TBL1XR1: variants seen among roughly 807,000 people sequenced by gnomAD.
The protein encoded by TBL1XR1 is TBL1X/Y related 1.
Under a neutral mutation model 66.9 loss-of-function variants are expected in TBL1XR1, and 5 were observed. The observed-to-expected ratio is 0.07, with a 90% CI of 0.04 to 0.16. TBL1XR1 has a LOEUF of 0.16. Ranked by LOEUF, TBL1XR1 falls within the 10% of genes least tolerant of loss-of-function variation. The pLI is 1.00. For synonymous variants in TBL1XR1, 210 were observed against 206.0 expected (o/e 1.02, Z -0.17); for missense variants, 238 against 623.2 (o/e 0.38, Z 6.58).
intron 1 of TBL1XR1, among the ~76,000 whole-genome samples, chr3:177,170,925 G>C (rs747521144): frequency 2.6e-5 from 4 of 152,048 alleles, no homozygotes; most frequent in African/African-American, 7.2e-5. Flanking sequence ...CCTGTCCCTG[G>C]ATCCCCAGTT....
At chr3:177,102,191 T>C (rs193158403) in intron 1 of TBL1XR1, among the ~76,000 whole-genome samples, 5 of 152,022 alleles carry the variant, frequency 3.3e-5, no homozygotes, top group Admixed American at 2.6e-4. Flanking sequence ...TTTGTCTTCA[T>C]TCATTCATTT....
intron 1 of TBL1XR1, among the ~76,000 whole-genome samples, chr3:177,102,598 A>G (rs777382564): frequency 9.2e-5 from 14 of 152,244 alleles, no homozygotes; most frequent in Non-Finnish European, 1.5e-4. Context: ...TATTTGTATT[A>G]AAGGAATTCA....
At chr3:177,146,303 G>T (rs1376169610) in intron 1 of TBL1XR1, among the ~76,000 whole-genome samples, 1 of 151,836 alleles carries the variant, frequency 6.6e-6, no homozygotes, top group Non-Finnish European at 1.5e-5. Flanking sequence ...TGTTTGTTTT[G>T]AGATGGGAGT....
chr3:177,039,319 C>G (rs551618808), intron 10 of TBL1XR1, among the ~76,000 whole-genome samples: 2 of 152,290 alleles, frequency 1.3e-5, no homozygotes, highest in African/African-American at 4.8e-5. Flanking sequence ...CAGGTGAGAT[C>G]ATGTGTGTGG....
Position 177,051,868 on chromosome 3 carries a change from C to T in TBL1XR1, c.205-142G>A, listed in dbSNP as rs964231368. On this transcript the variant is annotated intron_variant, in intron 4 of 15. Transcript: ENST00000457928. ...AACTTTCTGAATTCATATAAGAAGT[C>T]CGGAGGGAATAAAGAAACTACAAGC... is the stretch of plus-strand genomic sequence containing the variant. The T allele has an allele frequency of 7.5e-6, 8 of 1,067,630 alleles. No individual in the cohort carries two copies. In the African/African-American group the frequency reaches 1.3e-4, roughly 17 times the overall value. 66.1% of individuals were successfully genotyped at this position (1,067,630 alleles called of 1,614,324 possible).
intron 2 of TBL1XR1, among the ~76,000 whole-genome samples, chr3:177,080,841 G>C (rs1721304821): frequency 6.6e-6 from 1 of 152,148 alleles, no homozygotes; most frequent in Admixed American, 6.5e-5. Context: ...CTAGCTTTAA[G>C]TTCAAAGATC....
intron 1 of TBL1XR1, among the ~76,000 whole-genome samples, chr3:177,114,713 C>T (rs949313332): frequency 2.4e-4 from 37 of 151,890 alleles, no homozygotes; most frequent in African/African-American, 8.7e-4. Context: ...CGGTAGCTCA[C>T]ACCTCTAATC....
At chr3:177,152,484 G>A (rs147131250) in intron 1 of TBL1XR1, among the ~76,000 whole-genome samples, 3,514 of 152,078 alleles carry the variant, frequency 0.023, 121 homozygotes, top group African/African-American at 0.08. Flanking sequence ...ATGGGGTTTC[G>A]CCATTTTGGC....
chr3:177,072,571 C>G (rs753838116), intron 2 of TBL1XR1, among the ~76,000 whole-genome samples: 2 of 151,980 alleles, frequency 1.3e-5, no homozygotes, highest in Non-Finnish European at 2.9e-5. Flanking sequence ...TTTTAATATG[C>G]TGTGTGTGTA....
intron 6 of TBL1XR1, 64 bp downstream of exon 6, chr3:177,050,414 T>A: frequency 1.3e-6 from 2 of 1,571,772 alleles, no homozygotes; most frequent in Non-Finnish European, 1.7e-6. Flanking sequence ...GAATAATGCA[T>A]ATGTTTATAA....
intron 1 of TBL1XR1, among the ~76,000 whole-genome samples, chr3:177,135,199 G>A (rs558017505): frequency 3.4e-5 from 5 of 147,650 alleles, no homozygotes; most frequent in Admixed American, 1.4e-4. Context: ...ATGGGGTTTC[G>A]CCACGTTGGC....
intron 1 of TBL1XR1, among the ~76,000 whole-genome samples, chr3:177,187,779 T>TATTGATTCCACATCCGATCTCAGACAA (rs1236857071): frequency 6.6e-6 from 1 of 151,792 alleles, no homozygotes; most frequent in East Asian, 1.9e-4. Context: ...AAAAAGCACT[T>TATTGATTCCACATCCGATCTCAGACAA]ATTGATTCCA....
chr3:177,122,920 C>G (rs1225215860), intron 1 of TBL1XR1, among the ~76,000 whole-genome samples: 1 of 152,046 alleles, frequency 6.6e-6, no homozygotes, highest in South Asian at 2.1e-4. Context: ...ACAATGAATC[C>G]CTCTCTAAAT....
Position 177,050,471 on chromosome 3 carries a change from A to G in TBL1XR1, c.560+7T>C, listed in dbSNP as rs1009061727. ...AAGTCATTTTAGTATCACTTTGAGA[A>G]ACATACCCTGATGCTAGGAGATCAC... On this transcript the variant is annotated splice_region_variant and intron_variant, in intron 6 of 15. Transcript: ENST00000457928. The G allele has an allele frequency of 1.9e-6, 3 of 1,613,348 alleles. No homozygotes were observed. Among genetic ancestry groups the G allele is most frequent in the Admixed American group, 1.7e-5 (1 of 59,922 alleles).
chr3:177,098,846 G>A (rs880210), intron 1 of TBL1XR1, among the ~76,000 whole-genome samples: 3 of 151,914 alleles, frequency 2.0e-5, no homozygotes, highest in African/African-American at 2.4e-5. Context: ...ATTGCATTAC[G>A]GTCCAATTAG....
At chr3:177,034,623 GCA>G (rs1302021149) in intron 12 of TBL1XR1, among the ~76,000 whole-genome samples, 3 of 151,894 alleles carry the variant, frequency 2.0e-5, no homozygotes, top group African/African-American at 2.4e-5. Flanking sequence ...AATGTTGAAG[GCA>G]CAGTTTTTAC....
intron 1 of TBL1XR1, among the ~76,000 whole-genome samples, chr3:177,118,422 A>G (rs1726571078): frequency 6.6e-6 from 1 of 152,188 alleles, no homozygotes; most frequent in African/African-American, 2.4e-5. Context: ...AAGTGTGACC[A>G]CGGTATTTTT....
At chr3:177,151,122 G>C (rs570719663) in intron 1 of TBL1XR1, among the ~76,000 whole-genome samples, 2 of 152,326 alleles carry the variant, frequency 1.3e-5, no homozygotes, top group Admixed American at 6.5e-5. Context: ...GTGGTGAAGA[G>C]AAAGTTGAGT....
At chr3:177,049,151 G>A (rs1716711728) in intron 7 of TBL1XR1, among the ~76,000 whole-genome samples, 1 of 152,082 alleles carries the variant, frequency 6.6e-6, no homozygotes, top group Non-Finnish European at 1.5e-5. Context: ...ACTTTAGTGG[G>A]GATAATCATT....
Sources: gnomAD v4.1 joint callset for allele counts (sites outside exome capture counted in the v4.1 genomes callset) on GRCh38, gnomAD v4.1.1 for gene constraint, MANE v1.5 for transcripts, NCBI Gene and HGNC (gene_info 2026-07-23, HGNC 2026-07-21) for gene names.